UBE2D2: variants seen among roughly 807,000 people sequenced by gnomAD.
UBE2D2 encodes ubiquitin-conjugating enzyme E2 D2.
In UBE2D2, 2 loss-of-function variants were observed where a neutral mutation model predicts 24.2. The ratio of observed to expected loss-of-function variants is 0.08; its 90% CI spans 0.03 to 0.26. The LOEUF (loss-of-function observed/expected upper bound fraction) is 0.26. UBE2D2 is among the 10% of genes least tolerant of loss of function. The pLI is 1.00. For synonymous variants in UBE2D2, 58 were observed against 56.5 expected, an observed-to-expected ratio of 1.03 and a Z score of -0.12; for missense variants, 44 against 177.6, an observed-to-expected ratio of 0.25 and a Z score of 4.28.
At position 139,608,017 on chromosome 5, in the gene UBE2D2, GA is replaced by G. The variant is rs200922337; in HGVS notation, c.89-6554del. 1.5e-3 allele frequency among the ~76,000 whole-genome samples: 174 copies of G among 118,750 alleles called. 1 individual carries two copies. Among genetic ancestry groups the G allele is most frequent in the Middle Eastern group, 9.2e-3 (2 of 218 alleles). 77.9% of individuals were successfully genotyped at this position (118,750 alleles called of 152,430 possible). On this transcript the variant is annotated intron_variant, in intron 2 of 6. Transcript: ENST00000398733. ...AGTAGAGTGAGACTCTGTCTCTTGG[GA>G]AAAAAAAAAAAAAACTTAAATATAC...
At chr5:139,561,939 G>T (rs1320720417) in intron 1 of UBE2D2, 124 bp downstream of exon 1, 44 of 1,338,158 alleles carry the variant, frequency 3.3e-5, no homozygotes, top group Non-Finnish European at 2.4e-5. Flanking sequence ...GGCCCCTCGG[G>T]GCGGCCTCCA....
chr5:139,555,260 C>T lies in UBE2D2; in HGVS notation c.-64+28648C>T, dbSNP rs571630696. 7.2e-5 allele frequency among the ~76,000 whole-genome samples: 11 copies of T among 152,144 alleles called. No individual in the cohort carries two copies. The South Asian group carries it at 2.1e-3, about 29-fold the overall frequency. On this transcript the variant is annotated intron_variant, in intron 1 of 6. Coordinates refer to the UBE2D2 transcript ENST00000511725. ...TGGGTTTCACTGCCCAGGCTGGTCT[C>T]GAACTCCTGAGGTCAAGTGATCCAC...
intron 2 of UBE2D2, among the ~76,000 whole-genome samples, chr5:139,607,852 AAATT>A (rs1323057172): frequency 2.0e-5 from 3 of 151,960 alleles, no homozygotes; most frequent in African/African-American, 7.3e-5. Flanking sequence ...ACAAAAATAA[AAATT>A]AAAAAAATGA....
intron 1 of UBE2D2, among the ~76,000 whole-genome samples, chr5:139,585,398 GT>G (rs1417643008): frequency 6.6e-6 from 1 of 151,614 alleles, no homozygotes; most frequent in Non-Finnish European, 1.5e-5. Flanking sequence ...TGTTGTTGTT[GT>G]TAATTTTTTG....
intron 1 of UBE2D2, among the ~76,000 whole-genome samples, chr5:139,587,970 C>T (rs1269012894): frequency 6.6e-6 from 1 of 152,252 alleles, no homozygotes; most frequent in African/African-American, 2.4e-5. Context: ...TGGACGCGGT[C>T]ACCTTCCCAG....
intron 1 of UBE2D2, among the ~76,000 whole-genome samples, chr5:139,562,588 G>T (rs570671177): frequency 1.3e-5 from 2 of 152,194 alleles, no homozygotes; most frequent in African/African-American, 2.4e-5. Context: ...TTATACAAAA[G>T]TTCCTTTCAC....
At position 139,561,738 on chromosome 5, in the gene UBE2D2, T is replaced by TC. The variant is rs1166009449; in HGVS notation, c.-51dup. 9.2e-6 allele frequency: 12 copies of TC among 1,302,594 alleles called. No homozygotes were observed. In the African/African-American group the frequency reaches 1.3e-4, roughly 14 times the overall value. 80.7% of individuals were successfully genotyped at this position (1,302,594 alleles called of 1,614,324 possible). A position where few individuals can be genotyped will look rare whatever the true frequency, so the allele number is the denominator to read the frequency against. Reference sequence around the variant, plus strand: ...CTCAGGCTCCCTAGCCCCTTCCCCGTCCCTTCCCCGCCCCCGTCCCCGCCC... The same window carrying TC: ...CTCAGGCTCCCTAGCCCCTTCCCCGTCCCCTTCCCCGCCCCCGTCCCCGCCC... On this transcript the variant is annotated 5_prime_UTR_variant, in exon 1 of 7. Transcript: ENST00000398733.
chr5:139,540,576 C>CTAAT (rs1752747344), intron 1 of UBE2D2, among the ~76,000 whole-genome samples: 3 of 150,650 alleles, frequency 2.0e-5, no homozygotes, highest in African/African-American at 7.3e-5. Flanking sequence ...TAATAGCTAT[C>CTAAT]TAATTATCTG....
chr5:139,583,922 A>G (rs2126668145), intron 1 of UBE2D2, among the ~76,000 whole-genome samples: 1 of 152,328 alleles, frequency 6.6e-6, no homozygotes, highest in South Asian at 2.1e-4. Flanking sequence ...GAGCCAGAAA[A>G]TTCCTGTTGC....
intron 1 of UBE2D2, among the ~76,000 whole-genome samples, chr5:139,596,538 C>T (rs538407070): frequency 3.3e-5 from 5 of 151,846 alleles, no homozygotes; most frequent in Non-Finnish European, 5.9e-5. Context: ...GTGATCCACC[C>T]GCCTTGGCCT....
At chr5:139,553,702 T>A (rs1400612837) in intron 1 of UBE2D2, among the ~76,000 whole-genome samples, 1 of 152,162 alleles carries the variant, frequency 6.6e-6, no homozygotes, top group Non-Finnish European at 1.5e-5. Flanking sequence ...CCTTTAAAAA[T>A]TTATAATATT....
chr5:139,552,534 G>C lies in UBE2D2; in HGVS notation c.-64+25922G>C, dbSNP rs1355287800. 2.2e-5 allele frequency among the ~76,000 whole-genome samples: 3 copies of C among 135,054 alleles called. No homozygotes were observed. In the East Asian group the frequency reaches 6.1e-4, roughly 27 times the overall value. The allele number at this position is 135,054 out of a possible 152,430, so 88.6% of individuals were successfully genotyped here. A position where few individuals can be genotyped will look rare whatever the true frequency, so the allele number is the denominator to read the frequency against. Reference sequence around the variant, plus strand: ...CTTTTTTTTTTTTTTTTGAGATGGAGTTTTGCTCTTGTTGTCCAGGCTGGA... The same window carrying C: ...CTTTTTTTTTTTTTTTTGAGATGGACTTTTGCTCTTGTTGTCCAGGCTGGA... On this transcript the variant is annotated intron_variant, in intron 1 of 6. Transcript: ENST00000511725.
chr5:139,540,170 C>T (rs538268784), intron 1 of UBE2D2, among the ~76,000 whole-genome samples: 67 of 152,200 alleles, frequency 4.4e-4, no homozygotes, highest in South Asian at 2.3e-3. Flanking sequence ...CAGCCTGCTT[C>T]GACCTCCCAA....
chr5:139,553,722 C>T (rs1439520667), intron 1 of UBE2D2, among the ~76,000 whole-genome samples: 1 of 152,118 alleles, frequency 6.6e-6, no homozygotes, highest in Admixed American at 6.6e-5. Flanking sequence ...TGTTTCTATA[C>T]ATATATCCAA....
intron 1 of UBE2D2, among the ~76,000 whole-genome samples, chr5:139,532,306 G>A (rs1354842215): frequency 6.7e-6 from 1 of 149,282 alleles, no homozygotes; most frequent in Non-Finnish European, 1.5e-5. Context: ...AGCCTCCCCA[G>A]TAGCTGAGAT....
intron 2 of UBE2D2, among the ~76,000 whole-genome samples, chr5:139,613,595 TC>T (rs1561520207): frequency 6.6e-6 from 1 of 152,224 alleles, no homozygotes; most frequent in Non-Finnish European, 1.5e-5. Flanking sequence ...TAAATTTTAC[TC>T]CTTTTTTCTC....
chr5:139,564,609 C>T (rs903677278), intron 1 of UBE2D2, among the ~76,000 whole-genome samples: 1 of 152,048 alleles, frequency 6.6e-6, no homozygotes, highest in Non-Finnish European at 1.5e-5. Context: ...ACTCCGCCGC[C>T]ATGCCCAGCT....
In UBE2D2 at chr5:139,614,861, G is replaced by A. The variant is rs528320691; in HGVS notation, c.199G>A (p.Val67Ile). Reference protein sequence around the residue: ...PTDYPFKPPKVAFTTRIYHPN... With the variant: ...PTDYPFKPPKIAFTTRIYHPN... ...CAGAAAGTTTCCTTTCTTTCTGTAG[G>A]TTGCATTTACAACAAGAATTTATCA... is the stretch of plus-strand genomic sequence containing the variant. Residue 67 changes from valine (V) to isoleucine (I), a missense_variant and splice_region_variant, in exon 5 of 7, where the codon GTT becomes ATT. Transcript: ENST00000398733. The A allele has an allele frequency of 6.2e-7, 1 of 1,613,262 alleles. No individual in the cohort carries two copies. Among genetic ancestry groups the A allele is most frequent in the African/African-American group, 1.3e-5 (1 of 74,938 alleles).
At chr5:139,537,292 G>A (rs1437752311) in intron 1 of UBE2D2, among the ~76,000 whole-genome samples, 1 of 151,140 alleles carries the variant, frequency 6.6e-6, no homozygotes, top group Non-Finnish European at 1.5e-5. Flanking sequence ...ATAGTTTTTT[G>A]AAGCGGAATG....
Sources: allele counts gnomAD v4.1 joint callset (sites outside exome capture counted in the v4.1 genomes callset), GRCh38; gene constraint gnomAD v4.1.1; transcripts MANE v1.5; gene names NCBI Gene and HGNC (gene_info 2026-07-23, HGNC 2026-07-21).